Variants in HPSE2 observed in about 807,000 individuals in gnomAD.
HPSE2 encodes the protein inactive heparanase-2.
HPSE2 carries 38 observed loss-of-function variants against 60.5 expected under a neutral mutation model. That is an observed-to-expected ratio of 0.63 (90% confidence interval 0.48 to 0.82). HPSE2 has a LOEUF of 0.82. HPSE2 is among the 40% of genes least tolerant of loss of function. The pLI is 0.00. For synonymous variants in HPSE2, 295 were observed against 293.2 expected, an observed-to-expected ratio of 1.01 and a Z score of -0.06; for missense variants, 713 against 740.4, an observed-to-expected ratio of 0.96 and a Z score of 0.43.
intron 3 of HPSE2, among the ~76,000 whole-genome samples, chr10:98,761,110 T>C (rs1949994602): frequency 1.3e-5 from 2 of 152,136 alleles, no homozygotes; most frequent in African/African-American, 4.8e-5. Context: ...CAATTGCTTG[T>C]AGTAGTCTCT....
At chr10:98,965,305 C>T (rs1955785411) in intron 3 of HPSE2, among the ~76,000 whole-genome samples, 1 of 152,078 alleles carries the variant, frequency 6.6e-6, no homozygotes, top group South Asian at 2.1e-4. Flanking sequence ...GGATACTAGA[C>T]TCTGAGTAAG....
the HPSE2 span, among the ~76,000 whole-genome samples, chr10:99,274,044 G>A: frequency 6.6e-6 from 1 of 151,576 alleles, no homozygotes; most frequent in Non-Finnish European, 1.5e-5. Flanking sequence ...ATAGCTACAT[G>A]CCTATTAACA....
the HPSE2 span, among the ~76,000 whole-genome samples, chr10:99,249,207 TG>T: frequency 6.6e-6 from 1 of 152,138 alleles, no homozygotes; most frequent in Non-Finnish European, 1.5e-5. Flanking sequence ...ACAGTGTGCC[TG>T]GGAAAGCTGC....
intron 3 of HPSE2, among the ~76,000 whole-genome samples, chr10:98,761,270 C>T (rs774802773): frequency 2.6e-5 from 4 of 151,836 alleles, no homozygotes; most frequent in African/African-American, 4.8e-5. Flanking sequence ...CATTAGAAAA[C>T]CCGTAGAAAA....
chr10:99,288,758 A>AG, the HPSE2 span, among the ~76,000 whole-genome samples: 1 of 151,348 alleles, frequency 6.6e-6, no homozygotes, highest in African/African-American at 2.4e-5. Context: ...CAAAAAAAAA[A>AG]AAAAAAAAAA....
At position 98,926,884 on chromosome 10, in the gene HPSE2, G is replaced by A. The variant is rs547211010; in HGVS notation, c.611-182828C>T. 2.0e-5 allele frequency among the ~76,000 whole-genome samples: 3 copies of A among 152,236 alleles called. No individual in the cohort carries two copies. The East Asian group carries it at 5.8e-4, about 29-fold the overall frequency. ...CGTTATGTACCCAGTAGTCACTCAG[G>A]AGCAGGTTGTTCAGTCTCTATGTAG... On this transcript the variant is annotated intron_variant, in intron 3 of 11. Coordinates refer to ENST00000370552, the MANE Select transcript of HPSE2 (RefSeq NM_021828.5).
chr10:98,799,871 G>T (rs1950866257), intron 3 of HPSE2, among the ~76,000 whole-genome samples: 2 of 151,912 alleles, frequency 1.3e-5, no homozygotes, highest in African/African-American at 4.8e-5. Flanking sequence ...GCATCTTAAA[G>T]AATTAGAAAT....
chr10:99,079,458 G>A (rs1843058694), intron 3 of HPSE2, among the ~76,000 whole-genome samples: 1 of 152,116 alleles, frequency 6.6e-6, no homozygotes, highest in Non-Finnish European at 1.5e-5. Context: ...CAAGCAAGTT[G>A]GGGTATTGGA....
intron 3 of HPSE2, among the ~76,000 whole-genome samples, chr10:99,057,664 C>T (rs1958144771): frequency 6.6e-6 from 1 of 152,220 alleles, no homozygotes; most frequent in Non-Finnish European, 1.5e-5. Context: ...GAAGCAGTTG[C>T]TTCCTCAGTA....
At chr10:98,625,829 G>C (rs773171280) in intron 7 of HPSE2, among the ~76,000 whole-genome samples, 33 of 152,256 alleles carry the variant, frequency 2.2e-4, no homozygotes, top group Non-Finnish European at 3.1e-4. Flanking sequence ...TAGGCCGGGC[G>C]TGGTGGCTCA....
intron 3 of HPSE2, among the ~76,000 whole-genome samples, chr10:99,000,343 T>C (rs1222136974): frequency 6.6e-6 from 1 of 152,082 alleles, no homozygotes; most frequent in Non-Finnish European, 1.5e-5. Context: ...CAACTCAAGG[T>C]GCCTCATGAA....
At chr10:99,261,418 G>C in the HPSE2 span, among the ~76,000 whole-genome samples, 1 of 152,112 alleles carries the variant, frequency 6.6e-6, no homozygotes, top group East Asian at 1.9e-4. Flanking sequence ...CTCTTAAAGA[G>C]GTGGCTGGAA....
rs562615422 is a variant in HPSE2 at position 99,111,544 on chromosome 10, C to T, written c.610+32694G>A. On this transcript the variant is annotated intron_variant, in intron 3 of 11. Transcript: ENST00000370552. ...AAAGAACAAGAAGGAAGAAAGACTG[C>T]GTTCCTTTCAAATTGTTCAACAATT... 1.5e-4 allele frequency among the ~76,000 whole-genome samples: 23 copies of T among 152,288 alleles called. No individual in the cohort carries two copies. The Middle Eastern group carries it at 0.01, about 68-fold the overall frequency.
chr10:98,949,133 C>T (rs1011182534), intron 3 of HPSE2, among the ~76,000 whole-genome samples: 1 of 152,084 alleles, frequency 6.6e-6, no homozygotes, highest in Middle Eastern at 3.4e-3. Context: ...ATTCCTTTCA[C>T]CCACATACAA....
At chr10:98,837,205 A>G (rs946440576) in intron 3 of HPSE2, among the ~76,000 whole-genome samples, 3 of 152,172 alleles carry the variant, frequency 2.0e-5, no homozygotes, top group African/African-American at 7.2e-5. Flanking sequence ...ACAGTATAAG[A>G]GAGAATAATC....
chr10:99,159,332 A>G (rs953322891), intron 2 of HPSE2, among the ~76,000 whole-genome samples: 1 of 152,200 alleles, frequency 6.6e-6, no homozygotes, highest in Non-Finnish European at 1.5e-5. Flanking sequence ...GGTTTCAAAC[A>G]TTTTCAAAAT....
chr10:98,826,423 T>C (rs1951549066), intron 3 of HPSE2, among the ~76,000 whole-genome samples: 2 of 152,190 alleles, frequency 1.3e-5, no homozygotes, highest in African/African-American at 4.8e-5. Flanking sequence ...GAAGTACCTT[T>C]GGGGCAGATT....
chr10:99,021,417 A>G (rs916246453), intron 3 of HPSE2, among the ~76,000 whole-genome samples: 1 of 152,202 alleles, frequency 6.6e-6, no homozygotes, highest in Non-Finnish European at 1.5e-5. Context: ...ATAAAAGACC[A>G]GAGCCGGGAT....
chr10:98,781,284 CTTCT>C (rs1435777396), intron 3 of HPSE2, among the ~76,000 whole-genome samples: 3 of 87,152 alleles, frequency 3.4e-5, no homozygotes, highest in Admixed American at 1.3e-4. Context: ...CATATATCCA[CTTCT>C]TTTTTTTTTT....
Sources: allele counts gnomAD v4.1 joint callset (sites outside exome capture counted in the v4.1 genomes callset), GRCh38; gene constraint gnomAD v4.1.1; transcripts MANE v1.5; gene names NCBI Gene and HGNC (gene_info 2026-07-23, HGNC 2026-07-21).